Variants in ARRDC4 observed in about 807,000 individuals in gnomAD.
ARRDC4 encodes arrestin domain-containing protein 4.
A neutral mutation model predicts 44.6 loss-of-function variants in ARRDC4; 40 were observed. The observed-to-expected ratio is 0.90, with a 90% CI of 0.70 to 1.17. ARRDC4 has a LOEUF of 1.17. Ranked by LOEUF, ARRDC4 falls within the 50% of genes most tolerant of loss-of-function variation. ARRDC4 has a pLI of 0.00. For missense variants in ARRDC4, 550 were observed against 559.1 expected (o/e 0.98, Z 0.16); for synonymous variants, 211 against 221.2 (o/e 0.95, Z 0.41).
At position 97,960,962 on chromosome 15, in the gene ARRDC4, G is replaced by T; in HGVS notation, c.101G>T (p.Ser34Ile). The T allele has an allele frequency of 1.4e-6, 2 of 1,467,716 alleles. No homozygotes were observed. Among genetic ancestry groups the T allele is most frequent in the Non-Finnish European group, 9.0e-7 (1 of 1,108,268 alleles). 90.9% of individuals were successfully genotyped at this position (1,467,716 alleles called of 1,614,324 possible). A position where few individuals can be genotyped will look rare whatever the true frequency, so the allele number is the denominator to read the frequency against. ...FEDERKGCYSSGETVAGHVLL... is the reference protein window; with the variant it reads ...FEDERKGCYSIGETVAGHVLL... Reference sequence around the variant, plus strand: ...GACGAGCGCAAGGGCTGCTATTCCAGCGGCGAGACAGTGGCCGGGCACGTG... The same window carrying T: ...GACGAGCGCAAGGGCTGCTATTCCATCGGCGAGACAGTGGCCGGGCACGTG... The change falls in exon 1 of 8, where the codon AGC becomes ATC. Residue 34 changes from serine to isoleucine, a missense_variant. Physicochemically the swap from Ser to Ile is moderately radical, Grantham distance 142. Coordinates refer to ENST00000268042, the MANE Select transcript of ARRDC4 (RefSeq NM_183376.3).
In ARRDC4 at chr15:97,960,738, ACC is replaced by A; in HGVS notation, c.-123_-122del. Reference sequence around the variant, plus strand: ...TCGGCGAGCCGGTGCCCCATCGGGTACCGCACGGCTGCCGCGGCGGCCTTACC... The same window carrying A: ...TCGGCGAGCCGGTGCCCCATCGGGTAGCACGGCTGCCGCGGCGGCCTTACC... On this transcript the variant is annotated 5_prime_UTR_variant, in exon 1 of 8. Coordinates refer to ENST00000268042, the MANE Select transcript of ARRDC4 (RefSeq NM_183376.3). The A allele has an allele frequency of 1.2e-6, 1 of 846,240 alleles. No homozygotes were observed. The highest frequency in any genetic ancestry group is 1.6e-6 in the Non-Finnish European group (1 of 634,688). The allele number at this position is 846,240 out of a possible 1,614,324, so 52.4% of individuals were successfully genotyped here. A position where few individuals can be genotyped will look rare whatever the true frequency, so the allele number is the denominator to read the frequency against.
In ARRDC4 at chr15:97,971,935, G is replaced by A. The variant is rs1899522634; in HGVS notation, c.*748G>A. 3.3e-5 allele frequency: 5 copies of A among 152,458 alleles called. No homozygotes were observed. 9.4% of individuals were successfully genotyped at this position (152,458 alleles called of 1,614,324 possible). On this transcript the variant is annotated 3_prime_UTR_variant, in exon 8 of 8. Transcript: ENST00000268042. Reference sequence around the variant, plus strand: ...GCTGTACTTTTTACCCCCTTTAAGTGCTTTAACAGGATATACGTTTGATTT... The same window carrying A: ...GCTGTACTTTTTACCCCCTTTAAGTACTTTAACAGGATATACGTTTGATTT...
chr15:97,965,661 A>C lies in ARRDC4; in HGVS notation c.369A>C (p.Pro123=), dbSNP rs1486374231. The part of the protein sequence containing the change: ...KHEFPFRFQL[P]SEPLVTSFTG... ...AATTTCCATTTCGCTTTCAACTTCCATCTGAGTAAGTGAAACACTACAATT... is the reference window on the plus strand; with the variant it reads ...AATTTCCATTTCGCTTTCAACTTCCCTCTGAGTAAGTGAAACACTACAATT... The change falls in exon 2 of 8, where the codon CCA becomes CCC. Residue 123 remains proline, a synonymous_variant. Transcript: ENST00000268042. This position sits in a 1 kb window ranked among gnomAD's most constrained non-coding sequence, Gnocchi z 5.1. 1 of 1,613,034 alleles carries C rather than the reference A, an allele frequency of 6.2e-7. No individual in the cohort carries two copies. Among genetic ancestry groups the C allele is most frequent in the Non-Finnish European group, 8.5e-7 (1 of 1,179,012 alleles).
chr15:97,961,059 C>G lies in ARRDC4; in HGVS notation c.198C>G (p.Ala66=), dbSNP rs1284695438. The G allele has an allele frequency of 2.8e-6, 4 of 1,429,268 alleles. No homozygotes were observed. In the African/African-American group the frequency reaches 6.0e-5, roughly 21 times the overall value. 88.5% of individuals were successfully genotyped at this position (1,429,268 alleles called of 1,614,324 possible). ...RLEAQGRATA[A]WGPSTCPRAS... is the part of the protein sequence containing the mutation. Reference sequence around the variant, plus strand: ...AGGCCCAGGGGCGCGCCACCGCCGCCTGGGGCCCGAGCACCTGCCCCCGCG... The same window carrying G: ...AGGCCCAGGGGCGCGCCACCGCCGCGTGGGGCCCGAGCACCTGCCCCCGCG... The change falls in exon 1 of 8, where the codon GCC becomes GCG. Residue 66 remains alanine, a synonymous_variant. Coordinates refer to ENST00000268042, the MANE Select transcript of ARRDC4 (RefSeq NM_183376.3).
chr15:97,972,232 A>G lies in ARRDC4; in HGVS notation c.*1045A>G, dbSNP rs987831411. ...AAGTTAGCGTTAAATGGAAGTAAATATATGTATACCTAAGAGAATGTCAAA... is the reference window on the plus strand; with the variant it reads ...AAGTTAGCGTTAAATGGAAGTAAATGTATGTATACCTAAGAGAATGTCAAA... On this transcript the variant is annotated 3_prime_UTR_variant, in exon 8 of 8. Transcript: ENST00000268042. The surrounding 1 kb of genome is among the most constrained non-coding windows in gnomAD (Gnocchi z 5.3). 1 of 152,606 alleles carries G rather than the reference A, an allele frequency of 6.6e-6. No homozygotes were observed. Among genetic ancestry groups the G allele is most frequent in the South Asian group, 2.1e-4 (1 of 4,834 alleles). The allele number at this position is 152,606 out of a possible 1,614,324, so 9.5% of individuals were successfully genotyped here. A position where few individuals can be genotyped will look rare whatever the true frequency, so the allele number is the denominator to read the frequency against.
At chr15:97,962,145 C>G (rs999482253) in intron 1 of ARRDC4, among the ~76,000 whole-genome samples, 1 of 152,158 alleles carries the variant, frequency 6.6e-6, no homozygotes, top group Non-Finnish European at 1.5e-5. Context: ...AGAGTAAACG[C>G]ATTATATCTA....
Position 97,971,128 on chromosome 15 carries a change from C to T in ARRDC4, c.1201-3C>T. 6.2e-7 allele frequency: 1 copy of T among 1,611,860 alleles called. No individual in the cohort carries two copies. The highest frequency in any genetic ancestry group is 8.5e-7 in the Non-Finnish European group (1 of 1,178,838). On this transcript the variant is annotated splice_region_variant and splice_polypyrimidine_tract_variant and intron_variant, in intron 7 of 7. Coordinates refer to ENST00000268042, the MANE Select transcript of ARRDC4 (RefSeq NM_183376.3). The stretch of plus-strand genomic sequence containing the variant: ...CTAATCTCAGTCCGCTCTTTTTTTG[C>T]AGGTTGACCCACATCCTAGCGACGT...
rs1899554437 is a variant in ARRDC4, at chr15:97,973,795, C to T, written c.*2608C>T. 6.6e-6 allele frequency: 1 copy of T among 151,994 alleles called. No homozygotes were observed. Among genetic ancestry groups the T allele is most frequent in the Admixed American group, 6.6e-5 (1 of 15,226 alleles). The allele number at this position is 151,994 out of a possible 1,614,324, so 9.4% of individuals were successfully genotyped here. A position where few individuals can be genotyped will look rare whatever the true frequency, so the allele number is the denominator to read the frequency against. On this transcript the variant is annotated 3_prime_UTR_variant, in exon 8 of 8. Coordinates refer to ENST00000268042, the MANE Select transcript of ARRDC4 (RefSeq NM_183376.3). ...AAATTACTTTGTATGCTTGTTTGAA[C>T]CCTATGGGTTCGTTTTATTAATAAA...
At position 97,971,284 on chromosome 15, in the gene ARRDC4, A is replaced by G; in HGVS notation, c.*97A>G. On this transcript the variant is annotated 3_prime_UTR_variant, in exon 8 of 8. Coordinates refer to ENST00000268042, the MANE Select transcript of ARRDC4 (RefSeq NM_183376.3). ...AAGAGACAGGAAAGATTCACTTGAAAACATAAATGAACGTCAAGACTGAAG... is the reference window on the plus strand; with the variant it reads ...AAGAGACAGGAAAGATTCACTTGAAGACATAAATGAACGTCAAGACTGAAG... The G allele has an allele frequency of 8.3e-7, 1 of 1,209,604 alleles. No individual in the cohort carries two copies. Among genetic ancestry groups the G allele is most frequent in the East Asian group, 2.3e-5 (1 of 42,796 alleles). 74.9% of individuals were successfully genotyped at this position (1,209,604 alleles called of 1,614,324 possible).
chr15:97,971,186 G>A lies in ARRDC4; in HGVS notation c.1256G>A (p.Ter419=). The A allele has an allele frequency of 6.2e-7, 1 of 1,612,938 alleles. No individual in the cohort carries two copies. The highest frequency in any genetic ancestry group is 1.1e-5 in the South Asian group (1 of 91,046). The change falls in exon 8 of 8, where the codon TGA becomes TAA. Residue 419 remains the stop codon, a stop_retained_variant. Transcript: ENST00000268042. ...AGCCAGCCTGTTTCCTTCATTCTCT[G>A]AACGTATTTCAGAAATCACTGTGTT... ...EESQPVSFIL[*] is the part of the protein sequence containing the mutation.
intron 5 of ARRDC4, 107 bp from the exon 6 acceptor site, chr15:97,969,776 G>A (rs888151706): frequency 1.5e-5 from 16 of 1,059,618 alleles, no homozygotes; most frequent in East Asian, 2.6e-5. Flanking sequence ...GGTGGCAGCC[G>A]ACAAAAGCAT....
chr15:97,964,703 A>G (rs1899384771), intron 1 of ARRDC4, among the ~76,000 whole-genome samples: 1 of 152,170 alleles, frequency 6.6e-6, no homozygotes. Context: ...CCCTTTCTGT[A>G]TTCCAAGTTA....
rs1297089080 is a variant in ARRDC4, at chr15:97,969,964, G to A, written c.964G>A (p.Gly322Ser). The change falls in exon 6 of 8, where the codon GGC (glycine) becomes AGC (serine). Residue 322 changes from glycine (G) to serine (S), a missense_variant. Gly to Ser is a moderately conservative substitution (Grantham distance 56). Transcript: ENST00000268042. ...VIGTIPYNGF[G>S]SRNSSIASQF... Reference sequence around the variant, plus strand: ...CGGTACAATTCCATATAATGGTTTTGGCAGCAGAAACTCCAGCATTGCCAG... The same window carrying A: ...CGGTACAATTCCATATAATGGTTTTAGCAGCAGAAACTCCAGCATTGCCAG... 1 of 1,611,482 alleles carries A rather than the reference G, an allele frequency of 6.2e-7. No homozygotes were observed. The highest frequency in any genetic ancestry group is 1.3e-5 in the African/African-American group (1 of 74,188).
chr15:97,969,564 A>C (rs1357155627), intron 5 of ARRDC4, among the ~76,000 whole-genome samples, 185 bp downstream of exon 5: 1 of 152,200 alleles, frequency 6.6e-6, no homozygotes, highest in African/African-American at 2.4e-5. Flanking sequence ...GATTTAATAG[A>C]ATGCCATAAA....
Position 97,966,085 on chromosome 15 carries a change from C to G in ARRDC4, c.522+43C>G. On this transcript the variant is annotated intron_variant, in intron 3 of 7. Transcript: ENST00000268042. The surrounding 1 kb of genome is among the most constrained non-coding windows in gnomAD (Gnocchi z 4.7). The stretch of plus-strand genomic sequence containing the variant: ...CTCTTCCTCCTCCTTTTCCTCCTTC[C>G]CTCCCTTCCTCCTTCCTTTCAACAG... The G allele has an allele frequency of 6.3e-7, 1 of 1,594,280 alleles. No homozygotes were observed. Among genetic ancestry groups the G allele is most frequent in the South Asian group, 1.1e-5 (1 of 89,202 alleles).
In ARRDC4 at chr15:97,971,180, T is replaced by C. The variant is rs756405883; in HGVS notation, c.1250T>C (p.Ile417Thr). The C allele has an allele frequency of 2.4e-5, 38 of 1,613,066 alleles. No homozygotes were observed. The highest frequency in any genetic ancestry group is 1.1e-5 in the South Asian group (1 of 91,062). ...DVEESQPVSF[I>T]L is the part of the protein sequence containing the mutation. ...GAAGAGAGCCAGCCTGTTTCCTTCA[T>C]TCTCTGAACGTATTTCAGAAATCAC... is the stretch of plus-strand genomic sequence containing the variant. Residue 417 changes from isoleucine to threonine, a missense_variant, in exon 8 of 8, where the codon ATT (isoleucine) becomes ACT (threonine). Transcript: ENST00000268042.
Position 97,970,073 on chromosome 15 carries a change from C to A in ARRDC4, c.1045+28C>A. ...AAAATATGTTGGCGTTCTTTCATAA[C>A]GAAGCTTTACCTAGAAAATACCTAG... On this transcript the variant is annotated intron_variant, in intron 6 of 7. Transcript: ENST00000268042. The surrounding 1 kb of genome is among the most constrained non-coding windows in gnomAD (Gnocchi z 4.2). The A allele has an allele frequency of 6.3e-7, 1 of 1,594,586 alleles. No homozygotes were observed. The highest frequency in any genetic ancestry group is 8.6e-7 in the Non-Finnish European group (1 of 1,165,434).
Position 97,968,544 on chromosome 15 carries a change from T to TTG in ARRDC4, c.625+430_625+431dup, listed in dbSNP as rs1235404996. Among the ~76,000 whole-genome samples the TTG allele has an allele frequency of 6.6e-6, 1 of 152,224 alleles. No homozygotes were observed. The highest frequency in any genetic ancestry group is 2.4e-5 in the African/African-American group (1 of 41,456). ...TGTATTAACAAACTTAACAATCAGA[T>TTG]TGTTACTGGAATTGCCATTAGTGAA... On this transcript the variant is annotated intron_variant, in intron 4 of 7. Coordinates refer to ENST00000268042, the MANE Select transcript of ARRDC4 (RefSeq NM_183376.3). This position sits in a 1 kb window ranked among gnomAD's most constrained non-coding sequence, Gnocchi z 5.4.
At chr15:97,963,978 C>T (rs1007274594) in intron 1 of ARRDC4, among the ~76,000 whole-genome samples, 2 of 152,126 alleles carry the variant, frequency 1.3e-5, no homozygotes, top group Non-Finnish European at 2.9e-5. Context: ...CACTGGGACC[C>T]GCCCTGCCAC....
Sources: gnomAD v4.1 joint callset for allele counts (sites outside exome capture counted in the v4.1 genomes callset) on GRCh38, gnomAD v4.1.1 for gene constraint, Gnocchi (gnomAD v3.1) non-coding constraint, MANE v1.5 for transcripts, NCBI Gene and HGNC (gene_info 2026-07-23, HGNC 2026-07-21) for gene names.